HK1: variants seen among roughly 807,000 people sequenced by gnomAD.
The protein encoded by HK1 is hexokinase 1, also known as hexokinase-1.
A neutral mutation model predicts 91.6 loss-of-function variants in HK1; 28 were observed. That is an observed-to-expected ratio of 0.31 (90% CI 0.23 to 0.42). The LOEUF (loss-of-function observed/expected upper bound fraction) is 0.42. Ranked by LOEUF, HK1 falls within the 10% of genes least tolerant of loss-of-function variation. The probability of loss-of-function intolerance (pLI) is 1.00; values close to 1 mark genes in which losing one functional copy is unlikely to be tolerated. For missense variants in HK1, 770 were observed against 1,219.8 expected, an observed-to-expected ratio of 0.63 and a Z score of 5.49; for synonymous variants, 430 against 468.1, an observed-to-expected ratio of 0.92 and a Z score of 1.05.
chr10:69,279,161 G>C (rs1008669088), intron 1 of HK1, among the ~76,000 whole-genome samples: 1 of 152,212 alleles, frequency 6.6e-6, no homozygotes, highest in African/African-American at 2.4e-5. Flanking sequence ...AGGGAGCACT[G>C]GTTGGTGGTG....
In HK1 at chr10:69,384,856, C is replaced by T. The variant is rs746909115; in HGVS notation, c.1780C>T (p.Pro594Ser). ...CTTGGACTACATGGGGATCAAAGGC[C>T]CCAGGATGCCTCTGGGCTTCACGTT... The part of the protein sequence containing the change: ...DFLDYMGIKG[P>S]RMPLGFTFSF... Residue 594 changes from proline to serine, a missense_variant, in exon 12 of 18, where the codon CCC becomes TCC. Transcript: ENST00000359426. The T allele has an allele frequency of 6.2e-7, 1 of 1,614,146 alleles. No homozygotes were observed. Among genetic ancestry groups the T allele is most frequent in the South Asian group, 1.1e-5 (1 of 91,072 alleles).
At chr10:69,396,672 T>A (rs2132963307) in intron 16 of HK1, among the ~76,000 whole-genome samples, 1 of 152,238 alleles carries the variant, frequency 6.6e-6, no homozygotes, top group African/African-American at 2.4e-5. Context: ...GTGTTAGAAT[T>A]TCCTTATTTT....
upstream of HK1, chr10:69,316,121 G>A (rs932914278): frequency 2.1e-6 from 2 of 946,314 alleles, no homozygotes; most frequent in Non-Finnish European, 3.5e-6. Context: ...AAGGGAATAT[G>A]AGCGGCGAAC....
intron 3 of HK1, among the ~76,000 whole-genome samples, chr10:69,290,712 C>G (rs1845262357): frequency 6.6e-6 from 1 of 152,126 alleles, no homozygotes; most frequent in African/African-American, 2.4e-5. Flanking sequence ...GTTGGCCAGG[C>G]TGGTCTCGAA....
intron 1 of HK1, chr10:69,270,990 T>G (rs1169932359): frequency 2.6e-5 from 4 of 152,240 alleles, no homozygotes; most frequent in Admixed American, 2.6e-4. Flanking sequence ...CCAATGGGGC[T>G]CGATCCTTAT....
At chr10:69,327,086 C>T (rs1004064448) in intron 1 of HK1, among the ~76,000 whole-genome samples, 2 of 146,110 alleles carry the variant, frequency 1.4e-5, no homozygotes, top group Admixed American at 1.4e-4. Context: ...CTCACAGCAA[C>T]CTCTGCCTCC....
At chr10:69,358,395 C>T (rs187357736) in intron 2 of HK1, among the ~76,000 whole-genome samples, 1 of 152,292 alleles carries the variant, frequency 6.6e-6, no homozygotes, top group East Asian at 1.9e-4. Flanking sequence ...ACATGTCACT[C>T]CCGAGGGAGG....
At chr10:69,276,136 T>C (rs867052198) in intron 1 of HK1, among the ~76,000 whole-genome samples, 4 of 112,290 alleles carry the variant, frequency 3.6e-5, no homozygotes, top group South Asian at 6.3e-4. Flanking sequence ...TATATATATA[T>C]ATACACATAT....
chr10:69,289,460 A>ATTTTTTTTTTT (rs1564755510), intron 3 of HK1, among the ~76,000 whole-genome samples: 2 of 93,660 alleles, frequency 2.1e-5, no homozygotes, highest in African/African-American at 4.0e-5. Context: ...TAAAAAAAAA[A>ATTTTTTTTTTT]ATTTTTTTTT....
At chr10:69,375,719 G>T (rs887794142) in intron 7 of HK1, among the ~76,000 whole-genome samples, 4 of 152,200 alleles carry the variant, frequency 2.6e-5, no homozygotes, top group Non-Finnish European at 5.9e-5. Context: ...GCTCTGATGT[G>T]CGCCCACCTC....
In HK1 at chr10:69,401,311, G is replaced by A. The variant is rs1840380490; in HGVS notation, c.*176G>A. 13 of 695,942 alleles carry A rather than the reference G, an allele frequency of 1.9e-5. No homozygotes were observed. Among genetic ancestry groups the A allele is most frequent in the Non-Finnish European group, 9.7e-6 (4 of 411,578 alleles). The allele number at this position is 695,942 out of a possible 1,614,324, so 43.1% of individuals were successfully genotyped here. On this transcript the variant is annotated 3_prime_UTR_variant, in exon 18 of 18. Coordinates refer to ENST00000359426, the MANE Select transcript of HK1 (RefSeq NM_000188.3). Reference sequence around the variant, plus strand: ...TAGGGTACAGAATAGAGCGTGTGCTGTTGATAATATCTCTCACCCGGATCC... The same window carrying A: ...TAGGGTACAGAATAGAGCGTGTGCTATTGATAATATCTCTCACCCGGATCC...
intron 1 of HK1, chr10:69,338,698 TG>T: frequency 7.8e-7 from 1 of 1,279,816 alleles, no homozygotes; most frequent in Non-Finnish European, 1.0e-6. Context: ...TGTGTGTGTG[TG>T]TGTGTGTGTG....
chr10:69,401,382 TCCCCC>T lies in HK1; in HGVS notation c.*248_*252del. 1.7e-6 allele frequency: 1 copy of T among 585,988 alleles called. No homozygotes were observed. Among genetic ancestry groups the T allele is most frequent in the Admixed American group, 3.0e-5 (1 of 33,876 alleles). The allele number at this position is 585,988 out of a possible 1,614,324, so 36.3% of individuals were successfully genotyped here. On this transcript the variant is annotated 3_prime_UTR_variant, in exon 18 of 18. Coordinates refer to ENST00000359426, the MANE Select transcript of HK1 (RefSeq NM_000188.3). ...TTTGCATGGTTTGATTTTGACCTGGTCCCCCACGTGTGAAGTGTAGTGGCATCCAT... is the reference window on the plus strand; with the variant it reads ...TTTGCATGGTTTGATTTTGACCTGGTACGTGTGAAGTGTAGTGGCATCCAT...
chr10:69,361,830 T>C (rs1849438334), intron 3 of HK1, among the ~76,000 whole-genome samples: 2 of 152,222 alleles, frequency 1.3e-5, no homozygotes, highest in Non-Finnish European at 2.9e-5. Context: ...TTTCTTCTTT[T>C]TTTTAAGACG....
At chr10:69,391,974 A>G (rs1839914921) in intron 14 of HK1, 151 bp from the exon 15 acceptor site, 1 of 764,146 alleles carries the variant, frequency 1.3e-6, no homozygotes, top group Non-Finnish European at 2.2e-6. Context: ...AAATTTTTCC[A>G]TTTCAAAATT....
intron 1 of HK1, among the ~76,000 whole-genome samples, chr10:69,332,392 T>C (rs1383571461): frequency 2.0e-5 from 3 of 151,132 alleles, no homozygotes; most frequent in Non-Finnish European, 4.4e-5. Flanking sequence ...TTTTTTTCTT[T>C]TTTTGAGACA....
intron 7 of HK1, among the ~76,000 whole-genome samples, chr10:69,376,649 G>T (rs540101955): frequency 1.3e-5 from 2 of 152,082 alleles, no homozygotes; most frequent in African/African-American, 4.8e-5. Context: ...AAATCCAAAC[G>T]CTCCCCCTGC....
chr10:69,382,070 T>C (rs1839413321), intron 9 of HK1, among the ~76,000 whole-genome samples: 1 of 152,210 alleles, frequency 6.6e-6, no homozygotes, highest in Non-Finnish European at 1.5e-5. Context: ...TGTATATGAT[T>C]TGTGTAATGA....
chr10:69,358,427 T>G (rs911302718), intron 2 of HK1, among the ~76,000 whole-genome samples: 3 of 152,186 alleles, frequency 2.0e-5, no homozygotes, highest in Non-Finnish European at 2.9e-5. Flanking sequence ...GACCAGTACT[T>G]TGGCCACTGG....
Sources: allele counts gnomAD v4.1 joint callset (sites outside exome capture counted in the v4.1 genomes callset), GRCh38; gene constraint gnomAD v4.1.1; transcripts MANE v1.5; gene names NCBI Gene and HGNC (gene_info 2026-07-23, HGNC 2026-07-21).